Variants in AOAH observed in about 807,000 individuals in gnomAD.
AOAH encodes the protein acyloxyacyl hydrolase (neutrophil).
Under a neutral mutation model 92.2 loss-of-function variants are expected in AOAH, and 64 were observed. The ratio of observed to expected loss-of-function variants is 0.69; its 90% CI spans 0.57 to 0.86. The LOEUF is 0.86. AOAH is among the 40% of genes least tolerant of loss of function. AOAH has a pLI of 0.00. For synonymous variants in AOAH, 263 were observed against 254.5 expected (o/e 1.03, Z -0.32); for missense variants, 656 against 694.6 (o/e 0.94, Z 0.62).
intron 1 of AOAH, among the ~76,000 whole-genome samples, chr7:36,723,021 GAGGA>G (rs1473702179): frequency 5.5e-5 from 8 of 146,036 alleles, no homozygotes; most frequent in Admixed American, 6.8e-5. Context: ...CCATGATTTT[GAGGA>G]AGTAGGACAA....
At chr7:36,689,921 A>G (rs1797280923) in intron 1 of AOAH, among the ~76,000 whole-genome samples, 1 of 152,196 alleles carries the variant, frequency 6.6e-6, no homozygotes, top group Admixed American at 6.5e-5. Context: ...CTTTCCTTGG[A>G]ATTCGTCCTT....
intron 16 of AOAH, 125 bp from the exon 17 acceptor site, chr7:36,532,469 A>T: frequency 1.2e-6 from 1 of 863,406 alleles, no homozygotes; most frequent in Non-Finnish European, 1.9e-6. Context: ...CTGATTTTTC[A>T]TGCAGCATTG....
chr7:36,690,856 T>C (rs977776428), intron 1 of AOAH, among the ~76,000 whole-genome samples: 1 of 152,176 alleles, frequency 6.6e-6, no homozygotes. Flanking sequence ...AGGGATCACA[T>C]CTGGCCACAT....
chr7:36,703,382 G>A (rs1798155117), intron 1 of AOAH, among the ~76,000 whole-genome samples: 1 of 152,028 alleles, frequency 6.6e-6, no homozygotes, highest in African/African-American at 2.4e-5. Flanking sequence ...ATAACTTTAT[G>A]TAATGTATTT....
chr7:36,705,465 T>C (rs961551791), intron 1 of AOAH, among the ~76,000 whole-genome samples: 6 of 152,072 alleles, frequency 3.9e-5, no homozygotes, highest in African/African-American at 1.2e-4. Flanking sequence ...TACAAACCAT[T>C]GCTCAAGGAA....
intron 16 of AOAH, among the ~76,000 whole-genome samples, chr7:36,537,348 AG>A (rs1785135172): frequency 6.6e-6 from 1 of 151,606 alleles, no homozygotes; most frequent in East Asian, 1.9e-4. Flanking sequence ...GCAGCCAGAG[AG>A]AGTCCACTTG....
chr7:36,618,759 A>G (rs1792079520), intron 9 of AOAH, among the ~76,000 whole-genome samples: 1 of 152,200 alleles, frequency 6.6e-6, no homozygotes, highest in Non-Finnish European at 1.5e-5. Context: ...AGCAATTCTC[A>G]AGGGGTCCAT....
chr7:36,524,084 T>C (rs1483470796), intron 19 of AOAH, among the ~76,000 whole-genome samples: 1 of 152,152 alleles, frequency 6.6e-6, no homozygotes, highest in African/African-American at 2.4e-5. Context: ...ATTCTACTTG[T>C]GCTCCTTTTT....
At chr7:36,710,966 G>A (rs1798731219) in intron 1 of AOAH, among the ~76,000 whole-genome samples, 1 of 152,172 alleles carries the variant, frequency 6.6e-6, no homozygotes, top group South Asian at 2.1e-4. Flanking sequence ...GGGGAGTGAA[G>A]TGGTGCCGAG....
intron 13 of AOAH, among the ~76,000 whole-genome samples, chr7:36,553,852 T>G (rs1372572780): frequency 7.2e-5 from 11 of 152,242 alleles, no homozygotes. Flanking sequence ...CTTGTAAATT[T>G]GTTTGAGTTC....
rs755689312 is a variant in AOAH at position 36,532,151 on chromosome 7, G to A, written c.1421C>T (p.Ser474Leu). Residue 474 changes from serine (S) to leucine (L), a missense_variant, in exon 18 of 21, where the codon TCA becomes TTA. Transcript: ENST00000617537. ...AAAGGCCTGTGACAGTCATACCTCT[G>A]AAGTGAGAGTCCGCAACGTCTTGTT... ...SSNKTLRTLT[S>L]ERAEQLSNTL... The A allele has an allele frequency of 1.2e-6, 2 of 1,614,196 alleles. No homozygotes were observed. The highest frequency in any genetic ancestry group is 2.7e-5 in the African/African-American group (2 of 75,050).
chr7:36,694,085 C>A (rs2116840420), intron 1 of AOAH, among the ~76,000 whole-genome samples: 1 of 152,288 alleles, frequency 6.6e-6, no homozygotes. Context: ...TAGATACTAC[C>A]TGACTTATAA....
intron 1 of AOAH, among the ~76,000 whole-genome samples, chr7:36,698,309 A>G (rs1275247813): frequency 1.3e-5 from 2 of 152,006 alleles, no homozygotes; most frequent in Admixed American, 6.6e-5. Flanking sequence ...TTTTGATGGT[A>G]GCTTTATGTC....
intron 2 of AOAH, among the ~76,000 whole-genome samples, chr7:36,685,428 T>G (rs982738589): frequency 1.3e-5 from 2 of 152,198 alleles, no homozygotes; most frequent in African/African-American, 4.8e-5. Context: ...CACTGATCTG[T>G]TCTTTCTTGA....
intron 14 of AOAH, 101 bp downstream of exon 14, chr7:36,549,338 A>G: frequency 1.1e-6 from 1 of 898,988 alleles, no homozygotes; most frequent in Non-Finnish European, 1.8e-6. Flanking sequence ...CTAACAAGCT[A>G]TTTATGCTCA....
rs541573797 is a variant in AOAH, at chr7:36,653,573, C to A, written c.390+5593G>T. 1.0e-3 allele frequency among the ~76,000 whole-genome samples: 159 copies of A among 152,276 alleles called. 1 individual carries two copies. Among genetic ancestry groups the A allele is most frequent in the African/African-American group, 3.7e-3 (155 of 41,550 alleles). ...ACTCAGCATCAGAGAGCTTTTGGTT[C>A]TTGTAGAAATGCAACTCACTGTGGG... On this transcript the variant is annotated intron_variant, in intron 4 of 20. Coordinates refer to ENST00000617537, the MANE Select transcript of AOAH (RefSeq NM_001637.4).
chr7:36,520,697 C>T (rs911572656), intron 20 of AOAH, among the ~76,000 whole-genome samples: 1 of 106,776 alleles, frequency 9.4e-6, no homozygotes, highest in Admixed American at 1.1e-4. Context: ...AAGAGTGAAA[C>T]TCTGTCTCGA....
intron 6 of AOAH, among the ~76,000 whole-genome samples, chr7:36,623,888 A>G (rs1172990385): frequency 1.3e-5 from 2 of 152,232 alleles, no homozygotes; most frequent in Admixed American, 1.3e-4. Flanking sequence ...TCACTTACAC[A>G]GTAGCAGAAT....
Position 36,551,448 on chromosome 7 carries a change from T to C in AOAH, c.1022-1973A>G, listed in dbSNP as rs1319713055. Among the ~76,000 whole-genome samples the C allele has an allele frequency of 1.3e-5, 2 of 152,172 alleles. 1 individual carries two copies. Among genetic ancestry groups the C allele is most frequent in the Non-Finnish European group, 2.9e-5 (2 of 68,022 alleles). On this transcript the variant is annotated intron_variant, in intron 13 of 20. Coordinates refer to ENST00000617537, the MANE Select transcript of AOAH (RefSeq NM_001637.4). Reference sequence around the variant, plus strand: ...CATTTACATTGTTGTGCAACCATCATCACCACCCATCTCCAGAACTTTTCC... The same window carrying C: ...CATTTACATTGTTGTGCAACCATCACCACCACCCATCTCCAGAACTTTTCC...
Sources: gnomAD v4.1 joint callset for allele counts (sites outside exome capture counted in the v4.1 genomes callset) on GRCh38, gnomAD v4.1.1 for gene constraint, MANE v1.5 for transcripts, NCBI Gene and HGNC (gene_info 2026-07-23, HGNC 2026-07-21) for gene names.